CTNND2: variants seen among roughly 807,000 people sequenced by gnomAD.
The protein encoded by CTNND2 is catenin delta-2.
Under a neutral mutation model 144.4 loss-of-function variants are expected in CTNND2, and 22 were observed. The observed-to-expected ratio is 0.15, with a 90% CI of 0.11 to 0.22. CTNND2 has a LOEUF of 0.22. CTNND2 is among the 10% of genes least tolerant of loss of function. CTNND2 has a pLI of 1.00. For synonymous variants in CTNND2, 751 were observed against 695.6 expected (o/e 1.08, Z -1.25); for missense variants, 1,353 against 1,618.8 (o/e 0.84, Z 2.82).
Position 11,273,728 on chromosome 5 carries a change from T to C in CTNND2, c.1629-36905A>G, listed in dbSNP as rs546564401. Among the ~76,000 whole-genome samples the C allele has an allele frequency of 3.3e-5, 5 of 152,276 alleles. No homozygotes were observed. In the South Asian group the frequency reaches 1.0e-3, roughly 32 times the overall value. ...CACTTATCGCCCAGATAAATGGTAT[T>C]ATTGGGCAACCTCATGTTTATTGCA... On this transcript the variant is annotated intron_variant, in intron 9 of 21. Coordinates refer to ENST00000304623, the MANE Select transcript of CTNND2 (RefSeq NM_001332.4).
At chr5:11,647,963 C>A (rs1395814726) in intron 2 of CTNND2, among the ~76,000 whole-genome samples, 1 of 152,184 alleles carries the variant, frequency 6.6e-6, no homozygotes. Context: ...GACAAAGGAG[C>A]AGGCTTGCTT....
intron 2 of CTNND2, among the ~76,000 whole-genome samples, chr5:11,643,106 C>A (rs1287456976): frequency 2.6e-5 from 4 of 152,132 alleles, no homozygotes; most frequent in Admixed American, 2.0e-4. Flanking sequence ...AAGCACTTGG[C>A]AGTTGAATTC....
At chr5:11,841,046 A>G (rs1041824246) in intron 1 of CTNND2, among the ~76,000 whole-genome samples, 1 of 152,222 alleles carries the variant, frequency 6.6e-6, no homozygotes, top group Non-Finnish European at 1.5e-5. Context: ...TATAAGGCCA[A>G]TAATATTCTA....
chr5:11,381,628 T>C (rs577963794), intron 7 of CTNND2, among the ~76,000 whole-genome samples: 42 of 152,320 alleles, frequency 2.8e-4, no homozygotes, highest in African/African-American at 9.6e-4. Context: ...TTACCTTCTG[T>C]ATAAGTACTG....
chr5:11,671,039 T>C (rs1783851776), intron 2 of CTNND2, among the ~76,000 whole-genome samples: 1 of 152,218 alleles, frequency 6.6e-6, no homozygotes, highest in South Asian at 2.1e-4. Flanking sequence ...TTATGAAACT[T>C]AGTTTGGCTG....
chr5:11,575,914 G>A (rs1777939864), intron 2 of CTNND2, among the ~76,000 whole-genome samples: 1 of 151,966 alleles, frequency 6.6e-6, no homozygotes, highest in African/African-American at 2.4e-5. Context: ...CTAGTTCTTG[G>A]TGTTTATCCA....
At chr5:11,549,831 ATTAAT>A (rs1003511387) in intron 3 of CTNND2, among the ~76,000 whole-genome samples, 11 of 152,194 alleles carry the variant, frequency 7.2e-5, no homozygotes, top group African/African-American at 2.2e-4. Context: ...ATTACTACAT[ATTAAT>A]TTAAGAACAT....
intron 3 of CTNND2, among the ~76,000 whole-genome samples, chr5:11,532,840 T>C (rs984324924): frequency 1.3e-5 from 2 of 152,208 alleles, no homozygotes; most frequent in Non-Finnish European, 2.9e-5. Flanking sequence ...AGTGACTTCC[T>C]ATGGCCCCCA....
intron 7 of CTNND2, among the ~76,000 whole-genome samples, chr5:11,381,954 G>A (rs893154383): frequency 3.3e-5 from 5 of 151,752 alleles, no homozygotes; most frequent in Non-Finnish European, 4.4e-5. Context: ...GTGACAGAGA[G>A]AGACTCTGTC....
chr5:11,150,313 T>G (rs1019627020), intron 12 of CTNND2, among the ~76,000 whole-genome samples: 2 of 152,054 alleles, frequency 1.3e-5, no homozygotes, highest in African/African-American at 4.8e-5. Flanking sequence ...GTAAATCCGG[T>G]GGACTTCTCT....
intron 15 of CTNND2, among the ~76,000 whole-genome samples, chr5:11,088,405 G>T (rs1226999087): frequency 6.6e-6 from 1 of 152,200 alleles, no homozygotes; most frequent in East Asian, 1.9e-4. Context: ...AGACATGGAA[G>T]ATTTGGTGAT....
intron 2 of CTNND2, among the ~76,000 whole-genome samples, chr5:11,593,775 C>A (rs1185849295): frequency 1.3e-5 from 2 of 152,184 alleles, no homozygotes; most frequent in Non-Finnish European, 2.9e-5. Flanking sequence ...TTAAATCACC[C>A]AGTCTCCAGT....
chr5:11,567,010 A>C lies in CTNND2; in HGVS notation c.175-1954T>G, dbSNP rs61763031. Among the ~76,000 whole-genome samples, 1,192 of 152,288 alleles carry C rather than the reference A, an allele frequency of 7.8e-3. 56 individuals carry two copies. The highest frequency in any genetic ancestry group is 0.071 in the Admixed American group (1,093 of 15,294). On this transcript the variant is annotated intron_variant, in intron 2 of 21. Transcript: ENST00000304623. ...AAGTCTTCCAGCTTGACAGGCCTTCAAAAGGTATATATGTGGTTCTCATTT... is the reference window on the plus strand; with the variant it reads ...AAGTCTTCCAGCTTGACAGGCCTTCCAAAGGTATATATGTGGTTCTCATTT...
chr5:11,498,209 A>T, intron 3 of CTNND2, among the ~76,000 whole-genome samples: 1 of 152,160 alleles, frequency 6.6e-6, no homozygotes, highest in East Asian at 1.9e-4. Flanking sequence ...AAAAATTTTA[A>T]CATTAAAACT....
At chr5:11,863,876 C>T (rs983147125) in intron 1 of CTNND2, among the ~76,000 whole-genome samples, 74 of 152,266 alleles carry the variant, frequency 4.9e-4, no homozygotes, top group African/African-American at 1.6e-3. Context: ...ACGTTCTCTA[C>T]AAAATAGATA....
At chr5:11,876,870 C>T (rs961766993) in intron 1 of CTNND2, among the ~76,000 whole-genome samples, 3 of 152,148 alleles carry the variant, frequency 2.0e-5, no homozygotes, top group Non-Finnish European at 2.9e-5. Context: ...CCACATTTAA[C>T]ATCATGACAT....
At chr5:11,695,360 A>T (rs948873080) in intron 2 of CTNND2, among the ~76,000 whole-genome samples, 2 of 152,160 alleles carry the variant, frequency 1.3e-5, no homozygotes, top group African/African-American at 4.8e-5. Context: ...ATGAGGGGAA[A>T]ATCTTTGTGT....
intron 12 of CTNND2, among the ~76,000 whole-genome samples, chr5:11,134,532 TAAAAC>T (rs1755937928): frequency 6.6e-6 from 1 of 152,204 alleles, no homozygotes; most frequent in Non-Finnish European, 1.5e-5. Context: ...TCACATAAGA[TAAAAC>T]AAAAGGAAAC....
At chr5:11,128,876 T>C (rs190994931) in intron 12 of CTNND2, among the ~76,000 whole-genome samples, 12,717 of 64,128 alleles carry the variant, frequency 0.2, 2,542 homozygotes, top group East Asian at 0.58. Context: ...TATATAAATA[T>C]ATAATACATA....
Sources: gnomAD v4.1 joint callset for allele counts (sites outside exome capture counted in the v4.1 genomes callset) on GRCh38, gnomAD v4.1.1 for gene constraint, MANE v1.5 for transcripts, NCBI Gene and HGNC (gene_info 2026-07-23, HGNC 2026-07-21) for gene names.